LHFPL6: variants seen among roughly 807,000 people sequenced by gnomAD.
LHFPL6 encodes LHFPL tetraspan subfamily member 6, also known as LHFPL tetraspan subfamily member 6 protein.
Under a neutral mutation model 20.6 loss-of-function variants are expected in LHFPL6, and 9 were observed. That is an observed-to-expected ratio of 0.44 (90% CI 0.26 to 0.76). The LOEUF (loss-of-function observed/expected upper bound fraction) is 0.76, where lower values mean the gene tolerates loss of function less well. LHFPL6 is among the 30% of genes least tolerant of loss of function. LHFPL6 has a pLI of 0.20. For missense variants in LHFPL6, 218 were observed against 253.5 expected (o/e 0.86, Z 0.95); for synonymous variants, 105 against 98.7 (o/e 1.06, Z -0.38).
At chr13:39,536,451 G>A (rs2138499741) in intron 2 of LHFPL6, among the ~76,000 whole-genome samples, 1 of 152,216 alleles carries the variant, frequency 6.6e-6, no homozygotes. Context: ...CCCAGCCAAT[G>A]ACTGAGCACT....
chr13:39,397,229 A>T (rs1870866489), intron 2 of LHFPL6, among the ~76,000 whole-genome samples: 1 of 152,214 alleles, frequency 6.6e-6, no homozygotes. Context: ...ATGTCTTAAG[A>T]AAATGGCCCC....
rs779741477 is a variant in LHFPL6 at position 39,406,932 on chromosome 13, C to T, written c.386-28406G>A. Among the ~76,000 whole-genome samples, 85 of 152,112 alleles carry T rather than the reference C, an allele frequency of 5.6e-4. 1 individual carries two copies. The highest frequency in any genetic ancestry group is 1.8e-3 in the Admixed American group (27 of 15,294). On this transcript the variant is annotated intron_variant, in intron 2 of 3. Transcript: ENST00000379589. ...GTAAGTTCTGAGATTGCAAGAGATC[C>T]AAGGTAATTTTTCTCACCACCATCA...
intron 2 of LHFPL6, among the ~76,000 whole-genome samples, chr13:39,565,661 T>C (rs1383592531): frequency 3.3e-5 from 5 of 152,264 alleles, no homozygotes; most frequent in African/African-American, 1.2e-4. Flanking sequence ...GAACATTCTA[T>C]GTATAATCTC....
chr13:39,397,595 G>A (rs1440080851), intron 2 of LHFPL6, among the ~76,000 whole-genome samples: 1 of 152,094 alleles, frequency 6.6e-6, no homozygotes, highest in African/African-American at 2.4e-5. Context: ...CTTTCCTCTG[G>A]CATCTCAGGG....
At chr13:39,569,821 A>C (rs1436259492) in intron 2 of LHFPL6, among the ~76,000 whole-genome samples, 1 of 152,230 alleles carries the variant, frequency 6.6e-6, no homozygotes, top group Non-Finnish European at 1.5e-5. Context: ...GAACTAGCAG[A>C]AATGAGCAGG....
intron 3 of LHFPL6, among the ~76,000 whole-genome samples, chr13:39,370,516 T>C (rs1487061633): frequency 6.6e-6 from 1 of 152,208 alleles, no homozygotes; most frequent in Non-Finnish European, 1.5e-5. Context: ...ACCTTACTAT[T>C]AACCAACCTC....
intron 2 of LHFPL6, among the ~76,000 whole-genome samples, chr13:39,548,305 GGTTGTT>G (rs1871040778): frequency 6.6e-6 from 1 of 151,958 alleles, no homozygotes; most frequent in African/African-American, 2.4e-5. Context: ...GTCCCCTTAT[GGTTGTT>G]GTTACTCTGG....
rs147658417 is a variant in LHFPL6 at position 39,583,286 on chromosome 13, C to A, written c.385+17546G>T. Among the ~76,000 whole-genome samples the A allele has an allele frequency of 5.8e-4, 88 of 151,968 alleles. 2 individuals are homozygous for A. Among genetic ancestry groups the A allele is most frequent in the Middle Eastern group, 6.8e-3 (2 of 294 alleles). ...CTCCCAGGCTCAAGTGATCCTCCCCCCTCAGCCCCCTGAGTAGCTGGGATC... is the reference window on the plus strand; with the variant it reads ...CTCCCAGGCTCAAGTGATCCTCCCCACTCAGCCCCCTGAGTAGCTGGGATC... On this transcript the variant is annotated intron_variant, in intron 2 of 3. Transcript: ENST00000379589.
chr13:39,536,511 G>T (rs571907873), intron 2 of LHFPL6, among the ~76,000 whole-genome samples: 2 of 151,942 alleles, frequency 1.3e-5, no homozygotes, highest in African/African-American at 4.8e-5. Context: ...CTCTCCTAAC[G>T]CGCAGCTCCT....
At chr13:39,547,383 G>T (rs958563395) in intron 2 of LHFPL6, among the ~76,000 whole-genome samples, 2 of 152,016 alleles carry the variant, frequency 1.3e-5, no homozygotes, top group African/African-American at 4.8e-5. Flanking sequence ...GTCACAGAAA[G>T]AAATCAAAAT....
At chr13:39,381,953 G>A (rs1323932) in intron 2 of LHFPL6, among the ~76,000 whole-genome samples, 108,101 of 152,028 alleles carry the variant, frequency 0.71, 39,104 homozygotes, top group South Asian at 0.81. Context: ...CAGCATATGC[G>A]TTGTTGAAGT....
chr13:39,460,039 C>T lies in LHFPL6; in HGVS notation c.386-81513G>A, dbSNP rs984516852. ...ATATGTCTTTGTATCTTAATCCCTCCCCTTCTTAACTTACCTTACAAAATT... is the reference window on the plus strand; with the variant it reads ...ATATGTCTTTGTATCTTAATCCCTCTCCTTCTTAACTTACCTTACAAAATT... On this transcript the variant is annotated intron_variant, in intron 2 of 3. Coordinates refer to ENST00000379589, the MANE Select transcript of LHFPL6 (RefSeq NM_005780.3). 6.8e-5 allele frequency among the ~76,000 whole-genome samples: 10 copies of T among 147,430 alleles called. 1 individual carries two copies. Among genetic ancestry groups the T allele is most frequent in the African/African-American group, 2.6e-4 (10 of 39,118 alleles).
chr13:39,587,914 A>T (rs1234960100), intron 2 of LHFPL6, among the ~76,000 whole-genome samples: 1 of 152,118 alleles, frequency 6.6e-6, no homozygotes, highest in Non-Finnish European at 1.5e-5. Flanking sequence ...AACCATGCCC[A>T]CGAAACTGCA....
At chr13:39,403,250 C>T (rs1179099097) in intron 2 of LHFPL6, among the ~76,000 whole-genome samples, 3 of 152,202 alleles carry the variant, frequency 2.0e-5, no homozygotes, top group African/African-American at 7.2e-5. Flanking sequence ...TAAAAGGGAA[C>T]ATCCAAGCAG....
intron 2 of LHFPL6, among the ~76,000 whole-genome samples, chr13:39,499,177 C>T (rs1386628825): frequency 6.6e-6 from 1 of 152,206 alleles, no homozygotes; most frequent in Non-Finnish European, 1.5e-5. Context: ...TTTCCCCAAA[C>T]TTCTTAACCT....
chr13:39,559,985 A>G (rs899167458), intron 2 of LHFPL6, among the ~76,000 whole-genome samples: 1 of 152,168 alleles, frequency 6.6e-6, no homozygotes, highest in African/African-American at 2.4e-5. Context: ...GCATTGCTGA[A>G]TCAGACAACT....
intron 2 of LHFPL6, among the ~76,000 whole-genome samples, chr13:39,592,932 C>A (rs1231248555): frequency 6.6e-6 from 1 of 152,152 alleles, no homozygotes; most frequent in African/African-American, 2.4e-5. Context: ...ACCCTTCATG[C>A]TAAAAACTCT....
intron 2 of LHFPL6, among the ~76,000 whole-genome samples, chr13:39,499,157 C>T (rs891145127): frequency 6.6e-6 from 1 of 151,912 alleles, no homozygotes; most frequent in African/African-American, 2.4e-5. Context: ...ACCACGCACC[C>T]GGCCTGCCTT....
At chr13:39,574,515 A>G (rs1872049269) in intron 2 of LHFPL6, among the ~76,000 whole-genome samples, 1 of 151,898 alleles carries the variant, frequency 6.6e-6, no homozygotes. Flanking sequence ...ACAAATAAAC[A>G]TGTTCCACCC....
Sources: gnomAD v4.1 joint callset for allele counts (sites outside exome capture counted in the v4.1 genomes callset) on GRCh38, gnomAD v4.1.1 for gene constraint, MANE v1.5 for transcripts, NCBI Gene and HGNC (gene_info 2026-07-23, HGNC 2026-07-21) for gene names.